The following DOCK5 variants were observed in gnomAD, a reference collection of about 807,000 sequenced individuals.
The protein encoded by DOCK5 is dedicator of cytokinesis 5.
Under a neutral mutation model 251.8 loss-of-function variants are expected in DOCK5, and 142 were observed. That is an observed-to-expected ratio of 0.56 (90% CI 0.49 to 0.65). DOCK5 has a LOEUF of 0.65. Among genes scored for constraint, DOCK5 ranks in the 30% least tolerant of loss-of-function variants. The pLI, the probability that DOCK5 is intolerant of heterozygous loss-of-function variation, is 0.00. For missense variants in DOCK5, 2,111 were observed against 2,312.3 expected (o/e 0.91, Z 1.79); for synonymous variants, 842 against 835.5 (o/e 1.01, Z -0.13).
intron 1 of DOCK5, among the ~76,000 whole-genome samples, chr8:25,207,379 A>G (rs926680594): frequency 6.6e-6 from 1 of 152,154 alleles, no homozygotes; most frequent in Non-Finnish European, 1.5e-5. Context: ...ATAGCCTTCT[A>G]TTGTAAGAAG....
At chr8:25,340,107 T>A (rs1805916558) in intron 22 of DOCK5, among the ~76,000 whole-genome samples, 1 of 152,168 alleles carries the variant, frequency 6.6e-6, no homozygotes. Context: ...TTGCTGACAT[T>A]TGTAATACTT....
chr8:25,342,461 T>G lies in DOCK5; in HGVS notation c.2571T>G (p.Leu857=). The G allele has an allele frequency of 6.2e-7, 1 of 1,601,432 alleles. No individual in the cohort carries two copies. The highest frequency in any genetic ancestry group is 8.5e-7 in the Non-Finnish European group (1 of 1,172,990). The stretch of plus-strand genomic sequence containing the variant: ...ACAACCAGCTGGTTCGGCAGAAACT[T>G]AACTGCATGACCAAGATAGTAGAGA... ...IPDNQLVRQK[L]NCMTKIVEST... is the part of the protein sequence containing the mutation. Residue 857 remains leucine (L), a synonymous_variant, in exon 25 of 52, where the codon CTT becomes CTG. Transcript: ENST00000276440.
At position 25,409,112 on chromosome 8, in the gene DOCK5, T is replaced by C. The variant is rs572573878; in HGVS notation, c.5404+172T>C. Among the ~76,000 whole-genome samples the C allele has an allele frequency of 6.6e-5, 10 of 152,348 alleles. No individual in the cohort carries two copies. The East Asian group carries it at 1.9e-3, about 29-fold the overall frequency. ...GACTGGAGTTTGGCAAGGAGGCCACTAGGACTCATTAAACTTTTCTGGATA... is the reference window on the plus strand; with the variant it reads ...GACTGGAGTTTGGCAAGGAGGCCACCAGGACTCATTAAACTTTTCTGGATA... On this transcript the variant is annotated intron_variant, in intron 50 of 51. Coordinates refer to ENST00000276440, the MANE Select transcript of DOCK5 (RefSeq NM_024940.8).
intron 1 of DOCK5, among the ~76,000 whole-genome samples, chr8:25,238,035 A>G (rs1802845622): frequency 6.6e-6 from 1 of 152,182 alleles, no homozygotes; most frequent in Non-Finnish European, 1.5e-5. Context: ...GAAAGAAACT[A>G]TGGGCCCACT....
rs141433952 is a variant in DOCK5 at position 25,411,204 on chromosome 8, C to A, written c.5519C>A (p.Pro1840Gln). ...TTTCTGCTTCTGCAGCTCGCTCCCC[C>A]ACTGCCTGTCCGAAGAGAAGCCAAA... ...SQRNSTELAPPLPVRREAKAP... is the reference protein window; with the variant it reads ...SQRNSTELAPQLPVRREAKAP... Residue 1840 changes from proline (P) to glutamine (Q), a missense_variant, in exon 52 of 52, where the codon CCA becomes CAA. Transcript: ENST00000276440. The A allele has an allele frequency of 6.7e-5, 106 of 1,586,766 alleles. No homozygotes were observed. In the South Asian group the frequency reaches 8.0e-4, roughly 12 times the overall value.
At chr8:25,307,445 T>C (rs1189460567) in intron 11 of DOCK5, among the ~76,000 whole-genome samples, 3 of 152,130 alleles carry the variant, frequency 2.0e-5, no homozygotes, top group African/African-American at 7.2e-5. Context: ...TATGGGACCA[T>C]GGTCATCTAG....
chr8:25,384,469 T>TA lies in DOCK5; in HGVS notation c.4131+1691_4131+1692insA, dbSNP rs1446152840. 8.7e-3 allele frequency among the ~76,000 whole-genome samples: 950 copies of TA among 109,050 alleles called. 9 individuals carry two copies. Among genetic ancestry groups the TA allele is most frequent in the African/African-American group, 0.031 (904 of 29,166 alleles). The allele number at this position is 109,050 out of a possible 152,430, so 71.5% of individuals were successfully genotyped here. ...TTTATTTATTTATTTATTTATTTTT[T>TA]TTTTTTTTGAGACAGTGTCTCGCTC... On this transcript the variant is annotated intron_variant, in intron 40 of 51. Transcript: ENST00000276440.
intron 2 of DOCK5, among the ~76,000 whole-genome samples, chr8:25,245,474 A>G (rs899281051): frequency 6.6e-6 from 1 of 151,540 alleles, no homozygotes. Context: ...GCATAAGTTC[A>G]ATTTTTCTAA....
At chr8:25,316,462 CAG>C (rs1805253938) in intron 13 of DOCK5, among the ~76,000 whole-genome samples, 1 of 152,126 alleles carries the variant, frequency 6.6e-6, no homozygotes, top group Non-Finnish European at 1.5e-5. Flanking sequence ...GCCTGGGCAA[CAG>C]AGCAAGATCA....
chr8:25,257,194 C>T (rs977857315), intron 2 of DOCK5, among the ~76,000 whole-genome samples: 4 of 152,138 alleles, frequency 2.6e-5, no homozygotes, highest in Non-Finnish European at 4.4e-5. Flanking sequence ...TAAGCACTGC[C>T]GTTGGTCCCT....
At chr8:25,301,726 G>T (rs1297771234) in intron 9 of DOCK5, among the ~76,000 whole-genome samples, 1 of 151,892 alleles carries the variant, frequency 6.6e-6, no homozygotes, top group South Asian at 2.1e-4. Context: ...ATACAAACAA[G>T]TGTAGAACCC....
At chr8:25,367,141 C>G (rs959661140) in intron 31 of DOCK5, among the ~76,000 whole-genome samples, 171 bp downstream of exon 31, 1 of 152,224 alleles carries the variant, frequency 6.6e-6, no homozygotes, top group Admixed American at 6.5e-5. Context: ...AGGTTCAGCT[C>G]TCTTTTCTTA....
chr8:25,253,117 C>T (rs1803316746), intron 2 of DOCK5, among the ~76,000 whole-genome samples: 1 of 152,196 alleles, frequency 6.6e-6, no homozygotes, highest in Non-Finnish European at 1.5e-5. Context: ...AACCACCAAC[C>T]CTAAAATTCC....
At chr8:25,356,855 A>G (rs1181943267) in intron 27 of DOCK5, among the ~76,000 whole-genome samples, 1 of 149,570 alleles carries the variant, frequency 6.7e-6, no homozygotes, top group East Asian at 1.9e-4. Flanking sequence ...TATAGTTAAA[A>G]TACAAGAAAA....
intron 1 of DOCK5, among the ~76,000 whole-genome samples, chr8:25,231,186 TTTCAA>T (rs1320315367): frequency 1.3e-5 from 2 of 152,208 alleles, no homozygotes; most frequent in Non-Finnish European, 2.9e-5. Context: ...TTCTATAATT[TTTCAA>T]TTCTCTCTAC....
intron 6 of DOCK5, 101 bp from the exon 7 acceptor site, chr8:25,296,412 C>T (rs1804615704): frequency 4.1e-6 from 6 of 1,451,402 alleles, no homozygotes; most frequent in Middle Eastern, 2.4e-4. Context: ...TCCAGCATCT[C>T]CCTTTCTAAC....
Position 25,197,564 on chromosome 8 carries a change from C to CGTGG in DOCK5, c.43+12616_43+12617insGGTG, listed in dbSNP as rs111774068. On this transcript the variant is annotated intron_variant, in intron 1 of 51. Coordinates refer to ENST00000276440, the MANE Select transcript of DOCK5 (RefSeq NM_024940.8). Reference sequence around the variant, plus strand: ...CCAAAGATGCCCTCTCTTTAAGGATCGTGTCTTTGTCTTTTTTTTTTTTTT... The same window carrying CGTGG: ...CCAAAGATGCCCTCTCTTTAAGGATCGTGGGTGTCTTTGTCTTTTTTTTTTTTTT... 4.6e-5 allele frequency among the ~76,000 whole-genome samples: 6 copies of CGTGG among 131,686 alleles called. 1 individual carries two copies. Among genetic ancestry groups the CGTGG allele is most frequent in the Admixed American group, 1.5e-4 (2 of 13,082 alleles). 86.4% of individuals were successfully genotyped at this position (131,686 alleles called of 152,430 possible).
chr8:25,345,410 G>C (rs1288867641), intron 25 of DOCK5, 65 bp from the exon 26 acceptor site: 1 of 1,591,342 alleles, frequency 6.3e-7, no homozygotes, highest in Admixed American at 1.7e-5. Context: ...AGAGTTGCAG[G>C]AAGGAGACAG....
At position 25,254,790 on chromosome 8, in the gene DOCK5, AAAC is replaced by A. The variant is rs1250567856; in HGVS notation, c.127+11036_127+11038del. Among the ~76,000 whole-genome samples the A allele has an allele frequency of 2.4e-4, 33 of 136,042 alleles. 3 individuals are homozygous for A. The highest frequency in any genetic ancestry group is 3.6e-3 in the Middle Eastern group (1 of 278). The allele number at this position is 136,042 out of a possible 152,430, so 89.2% of individuals were successfully genotyped here. ...CTTTGTCTCAAAAAAAAACAAAACA[AAAC>A]AAAAAAAAAAAACATTTGATAAAGG... On this transcript the variant is annotated intron_variant, in intron 2 of 51. Coordinates refer to ENST00000276440, the MANE Select transcript of DOCK5 (RefSeq NM_024940.8).
Sources: gnomAD v4.1 joint callset for allele counts (sites outside exome capture counted in the v4.1 genomes callset) on GRCh38, gnomAD v4.1.1 for gene constraint, MANE v1.5 for transcripts, NCBI Gene and HGNC (gene_info 2026-07-23, HGNC 2026-07-21) for gene names.